The following CRTC2 variants were observed in gnomAD, a reference collection of about 807,000 sequenced individuals.
CRTC2 encodes the protein CREB regulated transcription coactivator 2.
A neutral mutation model predicts 70.9 loss-of-function variants in CRTC2; 25 were observed. That is an observed-to-expected ratio of 0.35 (90% confidence interval 0.26 to 0.49). The LOEUF (loss-of-function observed/expected upper bound fraction) is 0.49, where lower values mean the gene tolerates loss of function less well. Among genes scored for constraint, CRTC2 ranks in the 20% least tolerant of loss-of-function variants. CRTC2 has a pLI of 0.98. For synonymous variants in CRTC2, 330 were observed against 364.1 expected (o/e 0.91, Z 1.07); for missense variants, 737 against 882.6 (o/e 0.83, Z 2.09).
In CRTC2 at chr1:153,949,132, C is replaced by A; in HGVS notation, c.1657G>T (p.Asp553Tyr). ...GQQSYHRPMS[D>Y]FNLGNLEQFS... The stretch of plus-strand genomic sequence containing the variant: ...GTACTCACATTCCCCAGGTTGAAGT[C>A]ACTCATTGGCCGGTGGTAAGACTGT... Residue 553 changes from aspartate (D) to tyrosine (Y), a missense_variant, in exon 12 of 14, where the codon GAC becomes TAC. Physicochemically the swap from Asp to Tyr is radical, Grantham distance 160. Transcript: ENST00000368633. 1 of 1,608,902 alleles carries A rather than the reference C, an allele frequency of 6.2e-7. No individual in the cohort carries two copies. Among genetic ancestry groups the A allele is most frequent in the South Asian group, 1.1e-5 (1 of 90,514 alleles).
chr1:153,954,809 T>C, intron 3 of CRTC2, 64 bp downstream of exon 3: 1 of 1,391,280 alleles, frequency 7.2e-7, no homozygotes, highest in Non-Finnish European at 1.0e-6. Context: ...GTGCTTCCTA[T>C]GAGTCCCTGA....
In CRTC2 at chr1:153,949,396, T is replaced by A. The variant is rs746520056; in HGVS notation, c.1405-12A>T. 28 of 1,594,622 alleles carry A rather than the reference T, an allele frequency of 1.8e-5. No homozygotes were observed. Among genetic ancestry groups the A allele is most frequent in the Non-Finnish European group, 2.2e-5 (26 of 1,170,998 alleles). Reference sequence around the variant, plus strand: ...TCCAGGGGGACGCCCTGAAAAGAAGTAAAAAGAGGGAAGCTTACTGCTCAG... The same window carrying A: ...TCCAGGGGGACGCCCTGAAAAGAAGAAAAAAGAGGGAAGCTTACTGCTCAG... On this transcript the variant is annotated splice_polypyrimidine_tract_variant and intron_variant, in intron 11 of 13. Transcript: ENST00000368633.
Position 153,958,489 on chromosome 1 carries a change from C to T in CRTC2, c.9G>A (p.Thr3=). 6.2e-7 allele frequency: 1 copy of T among 1,609,176 alleles called. No homozygotes were observed. Among genetic ancestry groups the T allele is most frequent in the South Asian group, 1.1e-5 (1 of 90,980 alleles). The change falls in exon 1 of 14, where the codon ACG becomes ACA. Residue 3 remains threonine (T), a synonymous_variant. Transcript: ENST00000368633. The part of the protein sequence containing the change: MA[T]SGANGPGSAT... ...CCGAACCAGGCCCGTTCGCCCCCGACGTCGCCATCTTCCTTCCCCGTCCCT... is the reference window on the plus strand; with the variant it reads ...CCGAACCAGGCCCGTTCGCCCCCGATGTCGCCATCTTCCTTCCCCGTCCCT...
chr1:153,956,824 G>A (rs1680644738), intron 1 of CRTC2, among the ~76,000 whole-genome samples: 1 of 152,278 alleles, frequency 6.6e-6, no homozygotes, highest in Non-Finnish European at 1.5e-5. Context: ...TAGGAGCAAG[G>A]TGGGTAGAAG....
intron 12 of CRTC2, 107 bp downstream of exon 12, chr1:153,949,007 AC>A (rs111395902): frequency 0.31 from 368,808 of 1,171,344 alleles, 59,627 homozygotes; most frequent in Admixed American, 0.42. Flanking sequence ...CCCACCACCC[AC>A]CCCACCTAGA....
rs1357051752 is a variant in CRTC2 at position 153,955,049 on chromosome 1, G to T, written c.255+16C>A. 6.2e-7 allele frequency: 1 copy of T among 1,613,428 alleles called. No individual in the cohort carries two copies. Among genetic ancestry groups the T allele is most frequent in the Admixed American group, 1.7e-5 (1 of 60,026 alleles). Reference sequence around the variant, plus strand: ...GCCTAAGAAACTCCACTCCTCCCTGGCTGGGGTCTACTCACCTGGAACTCG... The same window carrying T: ...GCCTAAGAAACTCCACTCCTCCCTGTCTGGGGTCTACTCACCTGGAACTCG... On this transcript the variant is annotated intron_variant, in intron 2 of 13. Coordinates refer to ENST00000368633, the MANE Select transcript of CRTC2 (RefSeq NM_181715.3).
intron 10 of CRTC2, 118 bp from the exon 11 acceptor site, chr1:153,951,784 T>G: frequency 1.7e-6 from 2 of 1,186,832 alleles, no homozygotes; most frequent in Non-Finnish European, 2.4e-6. Context: ...ACGTCCTCCC[T>G]ACTCTATCCC....
intron 11 of CRTC2, among the ~76,000 whole-genome samples, chr1:153,949,870 T>C (rs1571072104): frequency 2.6e-5 from 4 of 150,982 alleles, no homozygotes; most frequent in Admixed American, 2.6e-4. Flanking sequence ...AAAGTGCCTA[T>C]CAGAATGAAA....
chr1:153,948,747 AG>A, intron 12 of CRTC2, 103 bp from the exon 13 acceptor site: 1 of 1,304,248 alleles, frequency 7.7e-7, no homozygotes. Flanking sequence ...CATCCACCCC[AG>A]GAACAGAGGC....
At chr1:153,957,367 T>C in intron 1 of CRTC2, among the ~76,000 whole-genome samples, 1 of 152,196 alleles carries the variant, frequency 6.6e-6, no homozygotes, top group East Asian at 1.9e-4. Flanking sequence ...TCTAGCTCTC[T>C]GCCATGAGGA....
chr1:153,952,172 C>A lies in CRTC2; in HGVS notation c.843G>T (p.Leu281=), dbSNP rs146129937. 20 of 1,613,864 alleles carry A rather than the reference C, an allele frequency of 1.2e-5. No homozygotes were observed. Among genetic ancestry groups the A allele is most frequent in the Non-Finnish European group, 1.5e-5 (18 of 1,179,902 alleles). ...TGGSLPDLTN[L]HFPPPLPTPL... ...GGGTGGGCAGTGGTGGGGGAAAGTG[C>A]AGGTTGGTGAGGTCAGGTAGGGAGC... Residue 281 remains leucine, a synonymous_variant, in exon 10 of 14, where the codon CTG becomes CTT. Coordinates refer to ENST00000368633, the MANE Select transcript of CRTC2 (RefSeq NM_181715.3).
rs139025531 is a variant in CRTC2 at position 153,950,912 on chromosome 1, G to A, written c.1404+348C>T. Among the ~76,000 whole-genome samples, 9 of 152,324 alleles carry A rather than the reference G, an allele frequency of 5.9e-5. No individual in the cohort carries two copies. In the East Asian group the frequency reaches 1.7e-3, roughly 29 times the overall value. ...TTTGTCAAGCATACCTGGGCTATGTGTGGTGCTAAGTATTTTATGTATGTT... is the reference window on the plus strand; with the variant it reads ...TTTGTCAAGCATACCTGGGCTATGTATGGTGCTAAGTATTTTATGTATGTT... On this transcript the variant is annotated intron_variant, in intron 11 of 13. Transcript: ENST00000368633.
intron 12 of CRTC2, chr1:153,948,857 G>A (rs1458440083): frequency 2.7e-6 from 2 of 744,758 alleles, no homozygotes; most frequent in Non-Finnish European, 4.7e-6. Context: ...GCATGTGCAT[G>A]CCAGGAAGAG....
chr1:153,958,521 C>A lies in CRTC2; in HGVS notation c.-24G>T. On this transcript the variant is annotated 5_prime_UTR_variant, in exon 1 of 14. Transcript: ENST00000368633. ...ATCTTCCTTCCCCGTCCCTCCCTGC[C>A]ACCCTCCCAGTACCAGCCGCGGCCT... is the stretch of plus-strand genomic sequence containing the variant. 6.3e-7 allele frequency: 1 copy of A among 1,598,524 alleles called. No individual in the cohort carries two copies. The highest frequency in any genetic ancestry group is 1.3e-5 in the African/African-American group (1 of 74,756).
chr1:153,954,453 G>A (rs1358414702), intron 3 of CRTC2, 137 bp from the exon 4 acceptor site: 1 of 684,612 alleles, frequency 1.5e-6, no homozygotes, highest in Non-Finnish European at 2.6e-6. Context: ...ACAACAATAG[G>A]ATCAAAGAAT....
At chr1:153,949,542 C>G (rs1218718212) in intron 11 of CRTC2, among the ~76,000 whole-genome samples, 158 bp from the exon 12 acceptor site, 1 of 152,006 alleles carries the variant, frequency 6.6e-6, no homozygotes, top group East Asian at 1.9e-4. Context: ...TGCAGTTACT[C>G]AACCCCAGGG....
At chr1:153,954,682 T>A (rs1680533027) in intron 3 of CRTC2, among the ~76,000 whole-genome samples, 191 bp downstream of exon 3, 1 of 152,172 alleles carries the variant, frequency 6.6e-6, no homozygotes, top group African/African-American at 2.4e-5. Context: ...GGGCACAGCC[T>A]CAGGAGCAAA....
rs1382501876 is a variant in CRTC2 at position 153,952,272 on chromosome 1, G to C, written c.753-10C>G. The C allele has an allele frequency of 6.2e-7, 1 of 1,600,140 alleles. No individual in the cohort carries two copies. The highest frequency in any genetic ancestry group is 2.2e-5 in the East Asian group (1 of 44,710). On this transcript the variant is annotated splice_polypyrimidine_tract_variant and intron_variant, in intron 9 of 13. Coordinates refer to ENST00000368633, the MANE Select transcript of CRTC2 (RefSeq NM_181715.3). ...AGGAGATGGAAAGATGCTAGGGGAA[G>C]GAGAGAAAAAGAAAGATGTAAATAG...
intron 11 of CRTC2, among the ~76,000 whole-genome samples, chr1:153,949,856 A>T (rs1184301153): frequency 6.6e-6 from 1 of 152,032 alleles, no homozygotes; most frequent in African/African-American, 2.4e-5. Flanking sequence ...TCTCCAAAAA[A>T]AAAAAAGTGC....
Sources: allele counts gnomAD v4.1 joint callset (sites outside exome capture counted in the v4.1 genomes callset), GRCh38; gene constraint gnomAD v4.1.1; transcripts MANE v1.5; gene names NCBI Gene and HGNC (gene_info 2026-07-23, HGNC 2026-07-21).